Variants in NCOA2 observed in about 807,000 individuals in gnomAD.
The protein encoded by NCOA2 is nuclear receptor coactivator 2, also known as class E basic helix-loop-helix protein 75.
In NCOA2, 21 loss-of-function variants were observed where a neutral mutation model predicts 145.1. The ratio of observed to expected loss-of-function variants is 0.14; its 90% CI spans 0.10 to 0.21. NCOA2 has a LOEUF of 0.21. Among genes scored for constraint, NCOA2 ranks in the 10% least tolerant of loss-of-function variants. NCOA2 has a pLI of 1.00. For synonymous variants in NCOA2, 619 were observed against 637.5 expected (o/e 0.97, Z 0.44); for missense variants, 1,472 against 1,837.6 (o/e 0.80, Z 3.64).
intron 4 of NCOA2, among the ~76,000 whole-genome samples, chr8:70,213,209 G>A (rs1050570473): frequency 1.1e-4 from 17 of 151,466 alleles, no homozygotes; most frequent in Non-Finnish European, 1.5e-4. Context: ...GCACCAAAAC[G>A]TTGTTCATAC....
chr8:70,342,869 G>C (rs1254341532), intron 1 of NCOA2, among the ~76,000 whole-genome samples: 1 of 145,152 alleles, frequency 6.9e-6, no homozygotes, highest in Non-Finnish European at 1.5e-5. Flanking sequence ...TTTTACCCAA[G>C]CTGCAAAATT....
chr8:70,317,085 G>A (rs1366016400), intron 1 of NCOA2, among the ~76,000 whole-genome samples: 1 of 152,220 alleles, frequency 6.6e-6, no homozygotes, highest in Non-Finnish European at 1.5e-5. Context: ...GCAGTGGCTA[G>A]CAAGAGCTAC....
intron 6 of NCOA2, among the ~76,000 whole-genome samples, chr8:70,167,931 T>C (rs1235543604): frequency 6.6e-6 from 1 of 152,224 alleles, no homozygotes; most frequent in Non-Finnish European, 1.5e-5. Flanking sequence ...ACTAGAAAAG[T>C]TGGAATCAGA....
chr8:70,186,811 T>C (rs1193391731), intron 4 of NCOA2, among the ~76,000 whole-genome samples: 1 of 152,224 alleles, frequency 6.6e-6, no homozygotes, highest in Admixed American at 6.5e-5. Flanking sequence ...AATTCCAAAG[T>C]AGATCTTCCT....
At chr8:70,146,411 TA>T (rs1212991613) in intron 12 of NCOA2, among the ~76,000 whole-genome samples, 3 of 152,204 alleles carry the variant, frequency 2.0e-5, no homozygotes, top group African/African-American at 7.2e-5. Context: ...ACTTATTACA[TA>T]ACATCAAGTA....
intron 4 of NCOA2, among the ~76,000 whole-genome samples, chr8:70,212,899 C>G (rs535024389): frequency 6.6e-6 from 1 of 151,830 alleles, no homozygotes; most frequent in Admixed American, 6.6e-5. Flanking sequence ...CTGGCAAACA[C>G]GGTGAAACCC....
chr8:70,176,468 G>A (rs1020171413), intron 4 of NCOA2, among the ~76,000 whole-genome samples: 1 of 152,080 alleles, frequency 6.6e-6, no homozygotes, highest in African/African-American at 2.4e-5. Context: ...TCTGTCTGCA[G>A]GCTTGGTCTC....
In NCOA2 at chr8:70,156,000, CCTT is replaced by C. The variant is rs746049934; in HGVS notation, c.2362_2364del (p.Lys788del). On this transcript the variant is annotated inframe_deletion, in exon 11 of 23. Transcript: ENST00000452400. ...TCACCAGGCTCAAAGCTCATCTCCT[CCTT>C]CTCAGTTTTCATTGCTATTAATTTT... 5.0e-5 allele frequency: 80 copies of C among 1,593,540 alleles called. 3 individuals are homozygous for C. In the South Asian group the frequency reaches 8.8e-4, roughly 18 times the overall value.
chr8:70,259,118 C>T lies in NCOA2; in HGVS notation c.-20+37626G>A, dbSNP rs139415347. Among the ~76,000 whole-genome samples, 27 of 152,272 alleles carry T rather than the reference C, an allele frequency of 1.8e-4. No homozygotes were observed. In the East Asian group the frequency reaches 3.9e-3, roughly 22 times the overall value. On this transcript the variant is annotated intron_variant, in intron 2 of 22. Coordinates refer to ENST00000452400, the MANE Select transcript of NCOA2 (RefSeq NM_006540.4). ...TTGAGTGACCTTTCCTTCCATCTTC[C>T]GCCTAAGTCTTACTGACCCTCAAAG...
chr8:70,402,778 C>G lies in NCOA2; in HGVS notation c.-77+922G>C, dbSNP rs937172050. Among the ~76,000 whole-genome samples the G allele has an allele frequency of 4.6e-5, 7 of 151,726 alleles. No homozygotes were observed. In the South Asian group the frequency reaches 1.2e-3, roughly 27 times the overall value. ...CCGGAACCTCCCGGTCCGCCTCCCG[C>G]CCCCGGCCCCGGCCCCAGCGCGCCT... On this transcript the variant is annotated intron_variant, in intron 1 of 22. Coordinates refer to ENST00000452400, the MANE Select transcript of NCOA2 (RefSeq NM_006540.4).
chr8:70,287,514 T>C (rs1325420912), intron 2 of NCOA2, among the ~76,000 whole-genome samples: 2 of 152,154 alleles, frequency 1.3e-5, no homozygotes, highest in Non-Finnish European at 2.9e-5. Context: ...TGAATAAAAC[T>C]TGTGAAGTCA....
the NCOA2 span, among the ~76,000 whole-genome samples, chr8:70,448,805 CTTTT>C: frequency 1.4e-5 from 2 of 143,692 alleles, no homozygotes; most frequent in Non-Finnish European, 1.5e-5. Context: ...TGTTGCCTGG[CTTTT>C]TTTTTTTTTT....
chr8:70,187,395 A>G (rs1174578950), intron 4 of NCOA2, among the ~76,000 whole-genome samples: 1 of 152,348 alleles, frequency 6.6e-6, no homozygotes, highest in African/African-American at 2.4e-5. Context: ...TCAGTAATTT[A>G]GTAATTCCCT....
chr8:70,284,732 G>A (rs555298468), intron 2 of NCOA2, among the ~76,000 whole-genome samples: 17 of 152,076 alleles, frequency 1.1e-4, no homozygotes, highest in East Asian at 1.9e-4. Flanking sequence ...ATTACTGAAG[G>A]GGATTTCAAC....
intron 1 of NCOA2, among the ~76,000 whole-genome samples, chr8:70,372,512 A>T (rs576684315): frequency 6.6e-6 from 1 of 152,318 alleles, no homozygotes; most frequent in African/African-American, 2.4e-5. Context: ...TGCTCATTTT[A>T]AATTATTTTA....
chr8:70,386,294 CTA>C (rs1214749623), intron 1 of NCOA2, among the ~76,000 whole-genome samples: 1 of 152,184 alleles, frequency 6.6e-6, no homozygotes, highest in Non-Finnish European at 1.5e-5. Flanking sequence ...TTTATATACT[CTA>C]AAATAAATGT....
chr8:70,218,205 T>TTTC (rs1008472280), intron 2 of NCOA2, among the ~76,000 whole-genome samples: 1 of 150,678 alleles, frequency 6.6e-6, no homozygotes, highest in Non-Finnish European at 1.5e-5. Context: ...GTTAGTTTTT[T>TTTC]TTTTTTTTTT....
In NCOA2 at chr8:70,187,241, A is replaced by G. The variant is rs373304390; in HGVS notation, c.260-12382T>C. Reference sequence around the variant, plus strand: ...ATTTGCATGCTGAGGTCAAAGTGACATTAACAAAGGCCAACCAACATTTAC... The same window carrying G: ...ATTTGCATGCTGAGGTCAAAGTGACGTTAACAAAGGCCAACCAACATTTAC... On this transcript the variant is annotated intron_variant, in intron 4 of 22. Transcript: ENST00000452400. Among the ~76,000 whole-genome samples, 232 of 152,366 alleles carry G rather than the reference A, an allele frequency of 1.5e-3. 1 individual carries two copies. The highest frequency in any genetic ancestry group is 5.4e-3 in the African/African-American group (225 of 41,590).
chr8:70,228,634 C>T (rs1438612843), intron 2 of NCOA2, among the ~76,000 whole-genome samples: 2 of 152,004 alleles, frequency 1.3e-5, no homozygotes, highest in Non-Finnish European at 1.5e-5. Context: ...TTAAATAGTC[C>T]TAAGACGTTT....
Sources: allele counts gnomAD v4.1 joint callset (sites outside exome capture counted in the v4.1 genomes callset), GRCh38; gene constraint gnomAD v4.1.1; transcripts MANE v1.5; gene names NCBI Gene and HGNC (gene_info 2026-07-23, HGNC 2026-07-21).